RABGAP1L: variants seen among roughly 807,000 people sequenced by gnomAD.
RABGAP1L encodes RAB GTPase activating protein 1 like.
In RABGAP1L, 63 loss-of-function variants were observed where a neutral mutation model predicts 137.7. The ratio of observed to expected loss-of-function variants is 0.46; its 90% confidence interval spans 0.37 to 0.56. RABGAP1L has a LOEUF of 0.56. Among genes scored for constraint, RABGAP1L ranks in the 20% least tolerant of loss-of-function variants. The pLI, the probability that RABGAP1L is intolerant of heterozygous loss-of-function variation, is 0.00. For missense variants in RABGAP1L, 1,095 were observed against 1,244.0 expected (o/e 0.88, Z 1.80); for synonymous variants, 431 against 433.7 (o/e 0.99, Z 0.08).
At chr1:174,319,134 T>A (rs12083548) in intron 11 of RABGAP1L, among the ~76,000 whole-genome samples, 44,431 of 151,952 alleles carry the variant, frequency 0.29, 7,278 homozygotes, top group African/African-American at 0.43. Context: ...TTCTTACTAA[T>A]TAACATTCTT....
At chr1:174,848,809 G>A (rs1359845976) in intron 19 of RABGAP1L, among the ~76,000 whole-genome samples, 10 of 151,184 alleles carry the variant, frequency 6.6e-5, no homozygotes, top group African/African-American at 1.7e-4. Context: ...GGGCAATGGC[G>A]GGCGCCCCTC....
At chr1:174,683,491 C>G in intron 14 of RABGAP1L, 31 bp from the exon 15 acceptor site, 1 of 1,520,632 alleles carries the variant, frequency 6.6e-7, no homozygotes, top group Non-Finnish European at 9.1e-7. Context: ...TGACTATTTA[C>G]GATATTTCTT....
chr1:174,542,898 G>A (rs1558324577), intron 13 of RABGAP1L, among the ~76,000 whole-genome samples: 1 of 152,200 alleles, frequency 6.6e-6, no homozygotes, highest in East Asian at 1.9e-4. Flanking sequence ...ATGTAGTTGA[G>A]CAGCTTTGAG....
intron 14 of RABGAP1L, among the ~76,000 whole-genome samples, chr1:174,642,638 T>TCTCTC (rs888360253): frequency 2.6e-5 from 4 of 151,864 alleles, no homozygotes; most frequent in Admixed American, 2.6e-4. Context: ...ATTATAGTCC[T>TCTCTC]CTCTCCTCTC....
chr1:174,487,777 T>G (rs551831756), intron 13 of RABGAP1L, among the ~76,000 whole-genome samples: 3 of 152,280 alleles, frequency 2.0e-5, no homozygotes, highest in African/African-American at 7.2e-5. Context: ...TTTATTTTTT[T>G]GTGTATCTGT....
chr1:174,724,056 A>C (rs1420636398), intron 17 of RABGAP1L, among the ~76,000 whole-genome samples: 2 of 152,230 alleles, frequency 1.3e-5, no homozygotes, highest in Non-Finnish European at 2.9e-5. Context: ...GTCCTCTAGC[A>C]CTTGTGCTTT....
At chr1:174,406,967 C>T (rs1649351710) in intron 13 of RABGAP1L, among the ~76,000 whole-genome samples, 1 of 152,148 alleles carries the variant, frequency 6.6e-6, no homozygotes, top group Admixed American at 6.5e-5. Context: ...TTCATAATAA[C>T]TTTATTGACA....
chr1:174,640,901 A>G (rs1003385149), intron 14 of RABGAP1L, among the ~76,000 whole-genome samples: 7 of 149,394 alleles, frequency 4.7e-5, no homozygotes, highest in Non-Finnish European at 8.9e-5. Context: ...TCAGCAACAC[A>G]ATTGTAGGCC....
intron 9 of RABGAP1L, among the ~76,000 whole-genome samples, 193 bp downstream of exon 9, chr1:174,276,128 A>G (rs1376040388): frequency 1.3e-5 from 2 of 151,924 alleles, no homozygotes; most frequent in Non-Finnish European, 2.9e-5. Flanking sequence ...TCCCCAAAAG[A>G]TATGTGAATT....
Position 174,980,434 on chromosome 1 carries a change from A to AGGAAAGGAAACTTATTACATGTG in RABGAP1L, c.2733+1550_2733+1572dup, listed in dbSNP as rs1434214994. Reference sequence around the variant, plus strand: ...GAGGTAATACCTACGTAGAAATAAGAGGAAAGGAAACTTATTACATGTGGG... The same window carrying AGGAAAGGAAACTTATTACATGTG: ...GAGGTAATACCTACGTAGAAATAAGAGGAAAGGAAACTTATTACATGTGGGAAAGGAAACTTATTACATGTGGG... On this transcript the variant is annotated intron_variant, in intron 23 of 25. Transcript: ENST00000681986. 4.6e-5 allele frequency among the ~76,000 whole-genome samples: 7 copies of AGGAAAGGAAACTTATTACATGTG among 152,338 alleles called. No individual in the cohort carries two copies. The South Asian group carries it at 1.2e-3, about 27-fold the overall frequency.
chr1:174,293,449 T>C (rs1300672798), intron 10 of RABGAP1L, among the ~76,000 whole-genome samples: 1 of 152,208 alleles, frequency 6.6e-6, no homozygotes, highest in Non-Finnish European at 1.5e-5. Context: ...TGAATGAACA[T>C]TTGGTATTTT....
intron 17 of RABGAP1L, among the ~76,000 whole-genome samples, chr1:174,713,821 A>T (rs1175143232): frequency 6.6e-6 from 1 of 152,214 alleles, no homozygotes; most frequent in Non-Finnish European, 1.5e-5. Flanking sequence ...ATAGGTCTTG[A>T]ACCTTTATTC....
chr1:174,398,209 G>A (rs1648111949), intron 13 of RABGAP1L, among the ~76,000 whole-genome samples: 1 of 152,030 alleles, frequency 6.6e-6, no homozygotes, highest in Admixed American at 6.6e-5. Context: ...AGTTTTTATT[G>A]GAGTTTTATT....
chr1:174,908,205 T>C (rs1339780601), intron 19 of RABGAP1L, among the ~76,000 whole-genome samples: 2 of 152,182 alleles, frequency 1.3e-5, no homozygotes, highest in African/African-American at 2.4e-5. Context: ...ACAGTAATAG[T>C]AGGGGATTTT....
intron 13 of RABGAP1L, among the ~76,000 whole-genome samples, chr1:174,516,019 C>A (rs1662801593): frequency 6.6e-6 from 1 of 151,698 alleles, no homozygotes; most frequent in Non-Finnish European, 1.5e-5. Flanking sequence ...AATGATAGTT[C>A]CTGGAAAATC....
intron 12 of RABGAP1L, among the ~76,000 whole-genome samples, chr1:174,375,831 G>A (rs1402225401): frequency 1.3e-5 from 2 of 152,116 alleles, no homozygotes; most frequent in Admixed American, 6.6e-5. Flanking sequence ...TCAGGAGGCT[G>A]AGGCGAGCCG....
At position 174,819,187 on chromosome 1, in the gene RABGAP1L, TAAAAAAA is replaced by T. The variant is rs71299431; in HGVS notation, c.2340+7247_2340+7253del. 1.1e-4 allele frequency among the ~76,000 whole-genome samples: 5 copies of T among 44,874 alleles called. 1 individual carries two copies. Among genetic ancestry groups the T allele is most frequent in the African/African-American group, 8.6e-5 (1 of 11,634 alleles). The allele number at this position is 44,874 out of a possible 152,430, so 29.4% of individuals were successfully genotyped here. A position where few individuals can be genotyped will look rare whatever the true frequency, so the allele number is the denominator to read the frequency against. ...GACAGAGCAAGACTCTGCCTGTCTC[TAAAAAAA>T]AAAAAAAAAAAAAAAAAAAGAGATA... On this transcript the variant is annotated intron_variant, in intron 19 of 25. Transcript: ENST00000681986.
At chr1:174,744,117 A>AAG (rs374041144) in intron 17 of RABGAP1L, among the ~76,000 whole-genome samples, 1 of 142,554 alleles carries the variant, frequency 7.0e-6, no homozygotes, top group Non-Finnish European at 1.5e-5. Context: ...AAAAAAAAAA[A>AAG]GCGATTGATT....
chr1:174,218,535 A>G (rs1669514643), intron 1 of RABGAP1L, among the ~76,000 whole-genome samples: 1 of 152,182 alleles, frequency 6.6e-6, no homozygotes, highest in Admixed American at 6.5e-5. Flanking sequence ...GGCAATATAG[A>G]AGCTTTTTTC....
Sources: allele counts gnomAD v4.1 joint callset (sites outside exome capture counted in the v4.1 genomes callset), GRCh38; gene constraint gnomAD v4.1.1; transcripts MANE v1.5; gene names NCBI Gene and HGNC (gene_info 2026-07-23, HGNC 2026-07-21).